The following ZNF185 variants were observed in gnomAD, a reference collection of about 807,000 sequenced individuals.
ZNF185 encodes zinc finger protein 185 with LIM domain.
In ZNF185, 56 loss-of-function variants were observed where a neutral mutation model predicts 58.6. The observed-to-expected ratio is 0.95, with a 90% CI of 0.77 to 1.19. ZNF185 has a LOEUF of 1.19. Ranked by LOEUF, ZNF185 falls within the 50% of genes most tolerant of loss-of-function variation. The pLI, the probability that ZNF185 is intolerant of heterozygous loss-of-function variation, is 0.00. For synonymous variants in ZNF185, 230 were observed against 215.9 expected (o/e 1.07, Z -0.57); for missense variants, 627 against 573.5 (o/e 1.09, Z -0.95).
At chrX:152,941,190 G>A (rs1190459529) in intron 15 of ZNF185, among the ~76,000 whole-genome samples, 1 of 111,779 alleles carries the variant, frequency 8.9e-6, no homozygotes, top group East Asian at 2.8e-4. Flanking sequence ...CTCCTTCCAG[G>A]CTAGGTCGAG....
chrX:152,929,129 G>C (rs1207333210), intron 12 of ZNF185, among the ~76,000 whole-genome samples: 2 of 112,135 alleles, frequency 1.8e-5, no homozygotes, highest in Admixed American at 9.4e-5. Context: ...TGAGGCCATT[G>C]CCCTGCCTGT....
At chrX:152,942,233 T>A (rs183407824) in intron 15 of ZNF185, among the ~76,000 whole-genome samples, 1 of 112,008 alleles carries the variant, frequency 8.9e-6, no homozygotes, top group Non-Finnish European at 1.9e-5. Flanking sequence ...TGTCCCAAAC[T>A]GTGGGGACTC....
rs1361894196 is a variant in ZNF185, at chrX:152,919,588, A to G, written c.530+507A>G. 7.1e-5 allele frequency among the ~76,000 whole-genome samples: 8 copies of G among 112,267 alleles called. No individual in the cohort carries two copies. In the South Asian group the frequency reaches 1.5e-3, roughly 21 times the overall value. On this transcript the variant is annotated intron_variant, in intron 7 of 22. Coordinates refer to ENST00000449285, the Ensembl canonical transcript of ZNF185. ...CAAGCTGCCCTCGTCCACACAGGCC[A>G]GCAAAGTTCCATGGACCCTTGCCCC... is the stretch of plus-strand genomic sequence containing the variant.
the ZNF185 span, among the ~76,000 whole-genome samples, chrX:152,909,142 C>T: frequency 3.6e-5 from 4 of 112,647 alleles, no homozygotes; most frequent in East Asian, 2.8e-4. Context: ...GGTTCACATC[C>T]GCTAATGACT....
At chrX:152,917,156 G>A in exon 4 of ZNF185, 1 of 1,211,436 alleles carries the variant, frequency 8.3e-7, no homozygotes, top group Non-Finnish European at 1.1e-6. Context: ...GGCTCCCACT[G>A]GCTACATCAT....
chrX:152,917,542 G>A (rs1261599410), intron 5 of ZNF185, among the ~76,000 whole-genome samples, 180 bp downstream of exon 6: 1 of 111,674 alleles, frequency 9.0e-6, no homozygotes, highest in Non-Finnish European at 1.9e-5. Context: ...GATGGGCTGG[G>A]GTGGGACTGG....
intron 13 of ZNF185, 104 bp downstream of exon 14, chrX:152,931,880 G>A: frequency 1.5e-6 from 1 of 686,272 alleles, no homozygotes; most frequent in Non-Finnish European, 2.1e-6. Flanking sequence ...AATGGATGCA[G>A]CTGGGGCCAG....
intron 16 of ZNF185, among the ~76,000 whole-genome samples, chrX:152,953,563 G>A (rs1427298741): frequency 1.8e-5 from 2 of 110,599 alleles, no homozygotes; most frequent in Non-Finnish European, 3.8e-5. Flanking sequence ...CAGGCATGGT[G>A]GTGTGTGCCT....
intron 15 of ZNF185, 71 bp downstream of exon 17, chrX:152,938,234 C>A: frequency 9.5e-7 from 1 of 1,055,111 alleles, no homozygotes; most frequent in Non-Finnish European, 1.3e-6. Flanking sequence ...GTCCATTGGC[C>A]TTTGGCTGGG....
At chrX:152,951,929 A>C (rs1472941384) in intron 16 of ZNF185, among the ~76,000 whole-genome samples, 1 of 112,314 alleles carries the variant, frequency 8.9e-6, no homozygotes, top group African/African-American at 3.2e-5. Context: ...CATAAGTCTA[A>C]GGTTTTAAGT....
At chrX:152,924,119 A>G (rs1744883925) in intron 11 of ZNF185, among the ~76,000 whole-genome samples, 1 of 109,175 alleles carries the variant, frequency 9.2e-6, no homozygotes, top group Non-Finnish European at 1.9e-5. Flanking sequence ...CGTCCTAATC[A>G]CTTCTGTTTT....
At chrX:152,952,635 G>T (rs1368215534) in intron 16 of ZNF185, among the ~76,000 whole-genome samples, 2 of 110,719 alleles carry the variant, frequency 1.8e-5, no homozygotes, top group South Asian at 3.8e-4. Context: ...GTAGATAGGG[G>T]TATGTAGGAG....
At chrX:152,945,103 G>T (rs1204781784) in intron 15 of ZNF185, among the ~76,000 whole-genome samples, 164 bp from the exon 18 acceptor site, 1 of 113,176 alleles carries the variant, frequency 8.8e-6, no homozygotes, top group East Asian at 2.8e-4. Flanking sequence ...GGAGGAGACT[G>T]TCTGCTCCCT....
chrX:152,958,833 A>G (rs1170183003), intron 16 of ZNF185, among the ~76,000 whole-genome samples: 1 of 112,050 alleles, frequency 8.9e-6, no homozygotes, highest in African/African-American at 3.2e-5. Context: ...ACATGTGAAA[A>G]CTACGCGGTC....
chrX:152,951,577 T>G (rs910519389), intron 16 of ZNF185, among the ~76,000 whole-genome samples: 1 of 111,777 alleles, frequency 8.9e-6, no homozygotes, highest in Non-Finnish European at 1.9e-5. Context: ...TATATATATA[T>G]ATACACACAC....
At chrX:152,970,059 C>T (rs782399550) in intron 21 of ZNF185, among the ~76,000 whole-genome samples, 4 of 111,298 alleles carry the variant, frequency 3.6e-5, no homozygotes, top group Non-Finnish European at 7.5e-5. Flanking sequence ...AGGGCCTGAA[C>T]TTTGCTTGCT....
At chrX:152,953,128 A>C (rs1556901490) in intron 16 of ZNF185, among the ~76,000 whole-genome samples, 1 of 111,453 alleles carries the variant, frequency 9.0e-6, no homozygotes, top group Non-Finnish European at 1.9e-5. Flanking sequence ...CAAGGGAAAC[A>C]ATGAGGCCTC....
intron 21 of ZNF185, 70 bp downstream of exon 23, chrX:152,969,554 G>A (rs1556917571): frequency 3.6e-6 from 3 of 842,026 alleles, no homozygotes; most frequent in African/African-American, 2.0e-5. Context: ...AGAACGTTTT[G>A]TAGAGTGCGG....
In ZNF185 at chrX:152,934,271, C is replaced by T. The variant is rs141617716; in HGVS notation, c.1121+1300C>T. 6.4e-3 allele frequency among the ~76,000 whole-genome samples: 717 copies of T among 112,376 alleles called. 2 individuals carry two copies. Among genetic ancestry groups the T allele is most frequent in the South Asian group, 0.021 (58 of 2,700 alleles). On this transcript the variant is annotated intron_variant, in intron 14 of 22. Transcript: ENST00000449285. Reference sequence around the variant, plus strand: ...GTCGGGGCTCCTGCTACTCTCCCCACAGTGGTGCAGCTTGACTGGCTCTGC... The same window carrying T: ...GTCGGGGCTCCTGCTACTCTCCCCATAGTGGTGCAGCTTGACTGGCTCTGC...
Sources: gnomAD v4.1 joint callset for allele counts (sites outside exome capture counted in the v4.1 genomes callset) on GRCh38, gnomAD v4.1.1 for gene constraint, MANE v1.5 for transcripts, NCBI Gene and HGNC (gene_info 2026-07-23, HGNC 2026-07-21) for gene names.